The following GPBP1 variants were observed in gnomAD, a reference collection of about 807,000 sequenced individuals.
The protein encoded by GPBP1 is GC-rich promoter binding protein 1.
GPBP1 carries 13 observed loss-of-function variants against 56.5 expected under a neutral mutation model. That is an observed-to-expected ratio of 0.23 (90% CI 0.15 to 0.37). GPBP1 has a LOEUF of 0.37. Ranked by LOEUF, GPBP1 falls within the 10% of genes least tolerant of loss-of-function variation. The pLI, the probability that GPBP1 is intolerant of heterozygous loss-of-function variation, is 1.00. For missense variants in GPBP1, 477 were observed against 572.3 expected, an observed-to-expected ratio of 0.83 and a Z score of 1.70; for synonymous variants, 204 against 188.9, an observed-to-expected ratio of 1.08 and a Z score of -0.66.
At chr5:57,229,829 A>T (rs1056051779) in intron 3 of GPBP1, among the ~76,000 whole-genome samples, 1 of 151,742 alleles carries the variant, frequency 6.6e-6, no homozygotes, top group African/African-American at 2.4e-5. Flanking sequence ...GTGAGCCACC[A>T]TGCCTGGCCT....
At chr5:57,187,715 TAATG>T (rs1388155557) in intron 2 of GPBP1, among the ~76,000 whole-genome samples, 2 of 152,152 alleles carry the variant, frequency 1.3e-5, no homozygotes, top group Non-Finnish European at 2.9e-5. Context: ...TCAAGTGAAA[TAATG>T]AATGCTAAAT....
At chr5:57,198,652 G>A (rs564870894) in intron 2 of GPBP1, among the ~76,000 whole-genome samples, 2 of 151,580 alleles carry the variant, frequency 1.3e-5, no homozygotes, top group African/African-American at 4.9e-5. Context: ...AGTTCGAGAC[G>A]AGCCTGGCCA....
chr5:57,239,475 A>G (rs1740716039), intron 6 of GPBP1, among the ~76,000 whole-genome samples: 1 of 152,218 alleles, frequency 6.6e-6, no homozygotes, highest in Non-Finnish European at 1.5e-5. Context: ...TAGATTTGTT[A>G]ATAAAATAAA....
At chr5:57,188,209 A>C (rs529016609) in intron 2 of GPBP1, among the ~76,000 whole-genome samples, 49 of 150,768 alleles carry the variant, frequency 3.3e-4, no homozygotes, top group African/African-American at 1.2e-3. Flanking sequence ...GCACCACTGC[A>C]CTCTAGGCTG....
intron 10 of GPBP1, among the ~76,000 whole-genome samples, chr5:57,253,843 A>G (rs1000176804): frequency 2.0e-5 from 3 of 152,206 alleles, no homozygotes; most frequent in Admixed American, 1.3e-4. Context: ...GCTGATCTCA[A>G]AAACTCCTGG....
intron 3 of GPBP1, among the ~76,000 whole-genome samples, chr5:57,226,448 A>G (rs1456722052): frequency 2.0e-5 from 3 of 152,164 alleles, no homozygotes; most frequent in Non-Finnish European, 1.5e-5. Flanking sequence ...ATGAGTTACT[A>G]ACAGTGGAAT....
intron 3 of GPBP1, among the ~76,000 whole-genome samples, chr5:57,230,228 G>A (rs544270703): frequency 2.0e-5 from 3 of 152,088 alleles, no homozygotes; most frequent in East Asian, 3.9e-4. Context: ...CACCGCGCCC[G>A]GCCTAAAATT....
intron 2 of GPBP1, among the ~76,000 whole-genome samples, chr5:57,212,197 GGATTATACAT>G (rs1283871334): frequency 6.6e-6 from 1 of 152,028 alleles, no homozygotes. Flanking sequence ...CAAAGTGTTG[GGATTATACAT>G]GATTCCAGCC....
chr5:57,237,795 C>G (rs908187861), intron 6 of GPBP1, among the ~76,000 whole-genome samples: 2 of 151,892 alleles, frequency 1.3e-5, no homozygotes, highest in East Asian at 3.9e-4. Flanking sequence ...TTTTCTAGTG[C>G]TACTTCCTTC....
In GPBP1 at chr5:57,249,415, C is replaced by G. The variant is rs371340047; in HGVS notation, c.811C>G (p.Arg271Gly). 3.1e-6 allele frequency: 5 copies of G among 1,593,024 alleles called. No homozygotes were observed. The highest frequency in any genetic ancestry group is 1.1e-5 in the South Asian group (1 of 87,102). ...PSTNSVKECN[R>G]SNSSSPVDKL... ...TTTCTGAATTTCCTCTTAGTGTAAT[C>G]GCTCAAATTCCTCTTCTCCTGTTGA... The change falls in exon 9 of 12, where the codon CGC becomes GGC. Residue 271 changes from arginine (R) to glycine (G), a missense_variant. Around this residue, in one of 2 missense-constraint regions of GPBP1, gnomAD observed 414 missense variants for 458.2 expected, o/e 0.90. Coordinates refer to ENST00000506184, the MANE Select transcript of GPBP1 (RefSeq NM_022913.4).
At chr5:57,235,335 C>T (rs922386139) in intron 5 of GPBP1, among the ~76,000 whole-genome samples, 1 of 151,696 alleles carries the variant, frequency 6.6e-6, no homozygotes, top group African/African-American at 2.4e-5. Flanking sequence ...TTCCTCTTCT[C>T]TGATCTTGAC....
rs1206938326 is a variant in GPBP1 at position 57,261,302 on chromosome 5, A to G, written c.1263+20A>G. The G allele has an allele frequency of 7.3e-7, 1 of 1,368,370 alleles. No individual in the cohort carries two copies. Among genetic ancestry groups the G allele is most frequent in the Non-Finnish European group, 1.0e-6 (1 of 956,448 alleles). The allele number at this position is 1,368,370 out of a possible 1,614,324, so 84.8% of individuals were successfully genotyped here. On this transcript the variant is annotated intron_variant, in intron 11 of 11. Coordinates refer to ENST00000506184, the MANE Select transcript of GPBP1 (RefSeq NM_022913.4). ...GAACAGGTAAGAAAACCTGAATCATACAACTTCACTTTTAAACTGCCCTTA... is the reference window on the plus strand; with the variant it reads ...GAACAGGTAAGAAAACCTGAATCATGCAACTTCACTTTTAAACTGCCCTTA...
At chr5:57,250,633 C>T (rs1741339479) in intron 9 of GPBP1, among the ~76,000 whole-genome samples, 2 of 151,574 alleles carry the variant, frequency 1.3e-5, no homozygotes, top group South Asian at 2.1e-4. Flanking sequence ...ACCTCCACCT[C>T]CTAGGTTCAA....
intron 5 of GPBP1, among the ~76,000 whole-genome samples, chr5:57,234,763 AAG>A (rs1415204050): frequency 6.6e-6 from 1 of 152,196 alleles, no homozygotes; most frequent in African/African-American, 2.4e-5. Flanking sequence ...CAAAGCTAAA[AAG>A]AGAATTCTCA....
rs969991833 is a variant in GPBP1 at position 57,253,833 on chromosome 5, G to T, written c.1160+2692G>T. On this transcript the variant is annotated intron_variant, in intron 10 of 11. Transcript: ENST00000506184. The stretch of plus-strand genomic sequence containing the variant: ...CTCACTGTGTCACTGTGTTTCCCAG[G>T]CTGATCTCAAAAACTCCTGGACTCA... Among the ~76,000 whole-genome samples, 7 of 152,144 alleles carry T rather than the reference G, an allele frequency of 4.6e-5. 1 individual carries two copies. Among genetic ancestry groups the T allele is most frequent in the Admixed American group, 2.0e-4 (3 of 15,280 alleles).
intron 9 of GPBP1, 28 bp from the exon 10 acceptor site, chr5:57,250,926 T>C: frequency 6.9e-7 from 1 of 1,442,092 alleles, no homozygotes. Context: ...CTCATTCTTT[T>C]TTTTTTTTTT....
intron 6 of GPBP1, chr5:57,237,337 A>G (rs1298595346): frequency 1.6e-6 from 1 of 628,672 alleles, no homozygotes; most frequent in Non-Finnish European, 2.8e-6. Flanking sequence ...TTTGTCATAT[A>G]AAACTATCTA....
At chr5:57,198,055 T>G (rs536374493) in intron 2 of GPBP1, among the ~76,000 whole-genome samples, 1 of 152,160 alleles carries the variant, frequency 6.6e-6, no homozygotes, top group Non-Finnish European at 1.5e-5. Context: ...TCGGTGTCGT[T>G]GTTATGTTTA....
intron 2 of GPBP1, among the ~76,000 whole-genome samples, chr5:57,200,300 G>C (rs1036843894): frequency 7.0e-6 from 1 of 143,758 alleles, no homozygotes; most frequent in Non-Finnish European, 1.5e-5. Flanking sequence ...TTCATTTTCT[G>C]TTTAATTAAA....
Sources: gnomAD v4.1 joint callset for allele counts (sites outside exome capture counted in the v4.1 genomes callset) on GRCh38, gnomAD v4.1.1 for gene constraint, gnomAD v4.1.1 regional missense constraint, MANE v1.5 for transcripts, NCBI Gene and HGNC (gene_info 2026-07-23, HGNC 2026-07-21) for gene names.